ZNF641: variants seen among roughly 807,000 people sequenced by gnomAD.
The protein encoded by ZNF641 is zinc finger protein 641.
ZNF641 carries 26 observed loss-of-function variants against 46.2 expected under a neutral mutation model. The ratio of observed to expected loss-of-function variants is 0.56; its 90% confidence interval spans 0.41 to 0.78. The LOEUF (loss-of-function observed/expected upper bound fraction) is 0.78. Ranked by LOEUF, ZNF641 falls within the 30% of genes least tolerant of loss-of-function variation. The pLI, the probability that ZNF641 is intolerant of heterozygous loss-of-function variation, is 0.00. For synonymous variants in ZNF641, 163 were observed against 187.9 expected (o/e 0.87, Z 1.09); for missense variants, 469 against 517.8 (o/e 0.91, Z 0.91).
At chr12:48,334,719 A>G (rs116033072), downstream of ZNF641, among the ~76,000 whole-genome samples, 26 of 152,378 alleles carry the variant, frequency 1.7e-4, no homozygotes, top group African/African-American at 6.3e-4. Flanking sequence ...GATGATAGCC[A>G]GATGTATTAC....
chr12:48,345,543 C>T lies in ZNF641; in HGVS notation c.277-69G>A, dbSNP rs879459443. The T allele has an allele frequency of 1.0e-5, 16 of 1,595,608 alleles. No individual in the cohort carries two copies. The Admixed American group carries it at 1.5e-4, about 15-fold the overall frequency. ...GGAAAATGTGATTCAGTATGAAAGGCTAAGTTAGTAGAGGAGAGAGGGTGA... is the reference window on the plus strand; with the variant it reads ...GGAAAATGTGATTCAGTATGAAAGGTTAAGTTAGTAGAGGAGAGAGGGTGA... On this transcript the variant is annotated intron_variant, in intron 3 of 5. Transcript: ENST00000547026.
chr12:48,337,499 A>C lies in ZNF641; in HGVS notation c.*5474T>G, dbSNP rs138503376. 6.6e-6 allele frequency: 1 copy of C among 152,104 alleles called. No individual in the cohort carries two copies. The highest frequency in any genetic ancestry group is 2.4e-5 in the African/African-American group (1 of 41,380). 9.4% of individuals were successfully genotyped at this position (152,104 alleles called of 1,614,324 possible). ...CTGAAATTGCCAGTGCCTGGCACATAATAAGGACACAAAAAATTGCTTGTA... is the reference window on the plus strand; with the variant it reads ...CTGAAATTGCCAGTGCCTGGCACATCATAAGGACACAAAAAATTGCTTGTA... On this transcript the variant is annotated 3_prime_UTR_variant, in exon 6 of 6. Transcript: ENST00000547026.
Position 48,343,484 on chromosome 12 carries a change from C to T in ZNF641, c.764G>A (p.Cys255Tyr). 1.9e-6 allele frequency: 3 copies of T among 1,613,938 alleles called. No homozygotes were observed. The East Asian group carries it at 6.7e-5, about 36-fold the overall frequency. Residue 255 changes from cysteine (C) to tyrosine (Y), a missense_variant, in exon 6 of 6, where the codon TGT becomes TAT. Cys to Tyr is a radical substitution (Grantham distance 194). Coordinates refer to ENST00000547026, the MANE Select transcript of ZNF641 (RefSeq NM_001172681.2). ...GGAACCCCATACAAACTGTTTCCCA[C>T]ACTGGGGGCATGTGTGGGGTCTTAA... ...SLLRPHTCPQ[C>Y]GKQFVWGSHL... is the part of the protein sequence containing the mutation.
Position 48,342,114 on chromosome 12 carries a change from T to G in ZNF641, c.*859A>C. 2 of 985,450 alleles carry G rather than the reference T, an allele frequency of 2.0e-6. No homozygotes were observed. Among genetic ancestry groups the G allele is most frequent in the Non-Finnish European group, 2.4e-6 (2 of 829,990 alleles). 61.0% of individuals were successfully genotyped at this position (985,450 alleles called of 1,614,324 possible). On this transcript the variant is annotated 3_prime_UTR_variant, in exon 6 of 6. Transcript: ENST00000547026. ...AGGGGACTGTTCAAGGGGATAAAGT[T>G]TTTTTTGTTTTTCTGTTTTTCTGTG...
chr12:48,347,795 G>C (rs1468191254), intron 2 of ZNF641, 112 bp downstream of exon 2: 1 of 1,028,450 alleles, frequency 9.7e-7, no homozygotes, highest in East Asian at 2.6e-5. Flanking sequence ...GCTGGTCCTG[G>C]TACAGGTTAT....
In ZNF641 at chr12:48,342,967, C is replaced by T; in HGVS notation, c.*6G>A. 3 of 1,602,588 alleles carry T rather than the reference C, an allele frequency of 1.9e-6. No homozygotes were observed. The Admixed American group carries it at 5.1e-5, about 27-fold the overall frequency. On this transcript the variant is annotated 3_prime_UTR_variant, in exon 6 of 6. Transcript: ENST00000547026. ...GACTTGACCATAGCTGTAGTGGAAA[C>T]AGATTTCAAAAGACAGATGTTCCTC...
Position 48,340,401 on chromosome 12 carries a change from G to C in ZNF641, c.*2572C>G. 2 of 985,446 alleles carry C rather than the reference G, an allele frequency of 2.0e-6. No homozygotes were observed. Among genetic ancestry groups the C allele is most frequent in the Middle Eastern group, 5.2e-4 (1 of 1,914 alleles). 61.0% of individuals were successfully genotyped at this position (985,446 alleles called of 1,614,324 possible). A position where few individuals can be genotyped will look rare whatever the true frequency, so the allele number is the denominator to read the frequency against. ...TAGTAAGGAATATCACTTCCCACAAGTCCTTCAAACAAGATTTGTGAGGAG... is the reference window on the plus strand; with the variant it reads ...TAGTAAGGAATATCACTTCCCACAACTCCTTCAAACAAGATTTGTGAGGAG... On this transcript the variant is annotated 3_prime_UTR_variant, in exon 6 of 6. Transcript: ENST00000547026.
At chr12:48,346,926 G>A (rs930648037) in intron 3 of ZNF641, among the ~76,000 whole-genome samples, 7 of 152,144 alleles carry the variant, frequency 4.6e-5, no homozygotes, top group Admixed American at 2.6e-4. Flanking sequence ...CACAAGAATC[G>A]CTTGAACCCA....
In ZNF641 at chr12:48,339,878, T is replaced by G; in HGVS notation, c.*3095A>C. 1.0e-6 allele frequency: 1 copy of G among 955,930 alleles called. No homozygotes were observed. The highest frequency in any genetic ancestry group is 4.8e-5 in the South Asian group (1 of 20,750). 59.2% of individuals were successfully genotyped at this position (955,930 alleles called of 1,614,324 possible). A position where few individuals can be genotyped will look rare whatever the true frequency, so the allele number is the denominator to read the frequency against. On this transcript the variant is annotated 3_prime_UTR_variant, in exon 6 of 6. Transcript: ENST00000547026. ...ATAGCCTGGTGAAAAGCTAACACTT[T>G]CGGTTACAGTCTCCTATGCAAGGGA...
Position 48,345,373 on chromosome 12 carries a change from C to T in ZNF641, c.378G>A (p.Gln126=). The change falls in exon 4 of 6, where the codon CAG becomes CAA. Residue 126 remains glutamine (Q), a synonymous_variant. Coordinates refer to ENST00000547026, the MANE Select transcript of ZNF641 (RefSeq NM_001172681.2). ...QTDFYGEYVM[Q]ENCGIVVSLR... ...GAGAGACTACTATCCCACAGTTTTC[C>T]TGCATGACATATTCTCCATAAAAGT... 2 of 1,614,098 alleles carry T rather than the reference C, an allele frequency of 1.2e-6. No individual in the cohort carries two copies. The highest frequency in any genetic ancestry group is 2.2e-5 in the East Asian group (1 of 44,872).
At chr12:48,336,203 G>A (rs1952603214), downstream of ZNF641, among the ~76,000 whole-genome samples, 1 of 152,192 alleles carries the variant, frequency 6.6e-6, no homozygotes, top group Non-Finnish European at 1.5e-5. Context: ...TGGGGAAACA[G>A]GCACTCATAT....
intron 1 of ZNF641, chr12:48,349,921 CA>C: frequency 8.8e-7 from 1 of 1,133,512 alleles, no homozygotes; most frequent in Non-Finnish European, 1.3e-6. Context: ...CCCCAGGTAG[CA>C]GAGTCTCTTA....
rs569661210 is a variant in ZNF641, at chr12:48,339,880, G to A, written c.*3093C>T. 19 of 956,312 alleles carry A rather than the reference G, an allele frequency of 2.0e-5. No individual in the cohort carries two copies. The Admixed American group carries it at 6.8e-4, about 34-fold the overall frequency. 59.2% of individuals were successfully genotyped at this position (956,312 alleles called of 1,614,324 possible). ...AGCCTGGTGAAAAGCTAACACTTTCGGTTACAGTCTCCTATGCAAGGGATT... is the reference window on the plus strand; with the variant it reads ...AGCCTGGTGAAAAGCTAACACTTTCAGTTACAGTCTCCTATGCAAGGGATT... On this transcript the variant is annotated 3_prime_UTR_variant, in exon 6 of 6. Coordinates refer to ENST00000547026, the MANE Select transcript of ZNF641 (RefSeq NM_001172681.2).
Position 48,344,701 on chromosome 12 carries a change from G to A in ZNF641, c.418C>T (p.Pro140Ser). Residue 140 changes from proline (P) to serine (S), a missense_variant, in exon 5 of 6, where the codon CCC (proline) becomes TCC (serine). Pro to Ser is a moderately conservative substitution (Grantham distance 74). Coordinates refer to ENST00000547026, the MANE Select transcript of ZNF641 (RefSeq NM_001172681.2). Reference protein sequence around the residue: ...GIVVSLRFPIPKLDMLSQLEG... With the variant: ...GIVVSLRFPISKLDMLSQLEG... ...AGTTGAGAAAGCATGTCCAGTTTGG[G>A]AATTGGAAATCCTGCTCATGGGAAA... The A allele has an allele frequency of 6.2e-7, 1 of 1,608,710 alleles. No individual in the cohort carries two copies. Among genetic ancestry groups the A allele is most frequent in the Non-Finnish European group, 8.5e-7 (1 of 1,177,480 alleles).
rs1952720422 is a variant in ZNF641 at position 48,341,675 on chromosome 12, C to T, written c.*1298G>A. On this transcript the variant is annotated 3_prime_UTR_variant, in exon 6 of 6. Transcript: ENST00000547026. ...ACACGTAATTCCTGCCCTAATTTTCCAGCACTTAAAACAAAATCCCCACTC... is the reference window on the plus strand; with the variant it reads ...ACACGTAATTCCTGCCCTAATTTTCTAGCACTTAAAACAAAATCCCCACTC... 5 of 985,290 alleles carry T rather than the reference C, an allele frequency of 5.1e-6. No homozygotes were observed. The highest frequency in any genetic ancestry group is 1.7e-5 in the African/African-American group (1 of 57,222). The allele number at this position is 985,290 out of a possible 1,614,324, so 61.0% of individuals were successfully genotyped here.
In ZNF641 at chr12:48,347,893, CTG is replaced by C. The variant is rs375175359; in HGVS notation, c.184+12_184+13del. ...CTATGCACTGTGCTTCCCACACACT[CTG>C]TGAGTTCTCACCCTTCTCCTGAAGG... On this transcript the variant is annotated intron_variant, in intron 2 of 5. Transcript: ENST00000547026. The C allele has an allele frequency of 2.3e-4, 366 of 1,613,312 alleles. 5 individuals carry two copies. In the East Asian group the frequency reaches 8.0e-3, roughly 35 times the overall value.
At chr12:48,347,028 C>T in intron 3 of ZNF641, 1 of 840,224 alleles carries the variant, frequency 1.2e-6, no homozygotes, top group South Asian at 2.2e-5. Flanking sequence ...AAAAACAAAA[C>T]AAAACTCAAA....
rs773896863 is a variant in ZNF641 at position 48,338,895 on chromosome 12, T to C, written c.*4078A>G. 1.3e-5 allele frequency: 2 copies of C among 152,212 alleles called. No homozygotes were observed. Among genetic ancestry groups the C allele is most frequent in the African/African-American group, 2.4e-5 (1 of 41,448 alleles). The allele number at this position is 152,212 out of a possible 1,614,324, so 9.4% of individuals were successfully genotyped here. A position where few individuals can be genotyped will look rare whatever the true frequency, so the allele number is the denominator to read the frequency against. ...GGCATGGTAGGCCTTACTCTACCTTTGTGCTAGATGCCCACTCCACCTGCC... is the reference window on the plus strand; with the variant it reads ...GGCATGGTAGGCCTTACTCTACCTTCGTGCTAGATGCCCACTCCACCTGCC... On this transcript the variant is annotated 3_prime_UTR_variant, in exon 6 of 6. Coordinates refer to ENST00000547026, the MANE Select transcript of ZNF641 (RefSeq NM_001172681.2).
At chr12:48,335,400 A>T (rs1404773641), downstream of ZNF641, among the ~76,000 whole-genome samples, 2 of 152,204 alleles carry the variant, frequency 1.3e-5, no homozygotes, top group Non-Finnish European at 2.9e-5. Context: ...GATGGGAATG[A>T]TACTGGGAAC....
Sources: allele counts gnomAD v4.1 joint callset (sites outside exome capture counted in the v4.1 genomes callset), GRCh38; gene constraint gnomAD v4.1.1; transcripts MANE v1.5; gene names NCBI Gene and HGNC (gene_info 2026-07-23, HGNC 2026-07-21).